The following SCARA3 variants were observed in gnomAD, a reference collection of about 807,000 sequenced individuals.
The protein encoded by SCARA3 is cellular stress response gene protein.
In SCARA3, 39 loss-of-function variants were observed where a neutral mutation model predicts 47.0. That is an observed-to-expected ratio of 0.83 (90% CI 0.64 to 1.08). The LOEUF is 1.08. SCARA3 is among the 50% of genes least tolerant of loss of function. The probability of loss-of-function intolerance (pLI) is 0.00; values close to 1 mark genes in which losing one functional copy is unlikely to be tolerated. For synonymous variants in SCARA3, 356 were observed against 334.1 expected (o/e 1.07, Z -0.71); for missense variants, 724 against 792.3 (o/e 0.91, Z 1.04).
In SCARA3 at chr8:27,658,588, C is replaced by T; in HGVS notation, c.418C>T (p.Gln140Ter). 6.2e-7 allele frequency: 1 copy of T among 1,614,188 alleles called. No homozygotes were observed. The highest frequency in any genetic ancestry group is 8.5e-7 in the Non-Finnish European group (1 of 1,180,046). ...ACTGCAGGAGGAGCTGGAGGGAATT[C>T]AGAAGCTGCTTCTGGCCCAGGAGGT... ...RKLQEELEGIQKLLLAQEVQL... is the reference protein window; with the variant it reads ...RKLQEELEGI The change falls in exon 5 of 6, where the codon CAG becomes TAG. Residue 140 changes from glutamine to a stop codon, truncating the protein, a stop_gained. Coordinates refer to ENST00000301904, the MANE Select transcript of SCARA3 (RefSeq NM_016240.3). LOFTEE classifies it high-confidence loss of function.
intron 1 of SCARA3, among the ~76,000 whole-genome samples, chr8:27,638,279 G>T (rs1585269443): frequency 6.6e-6 from 1 of 151,512 alleles, no homozygotes; most frequent in East Asian, 2.0e-4. Context: ...TCTCATACAT[G>T]CACTGCCCAT....
At chr8:27,728,308 G>A in the SCARA3 span, among the ~76,000 whole-genome samples, 14 of 152,278 alleles carry the variant, frequency 9.2e-5, no homozygotes, top group Non-Finnish European at 1.3e-4. Context: ...GTTGGGAAGC[G>A]CATTCCAGGA....
intron 1 of SCARA3, among the ~76,000 whole-genome samples, chr8:27,643,959 C>G (rs1003213916): frequency 1.3e-5 from 2 of 152,160 alleles, no homozygotes. Context: ...TTTTCTACCC[C>G]CAAAGGGAGA....
rs1802201881 is a variant in SCARA3, at chr8:27,672,910, G to A, written c.*1559G>A. 1.2e-5 allele frequency: 12 copies of A among 985,668 alleles called. No individual in the cohort carries two copies. Among genetic ancestry groups the A allele is most frequent in the Non-Finnish European group, 1.4e-5 (12 of 830,108 alleles). 61.1% of individuals were successfully genotyped at this position (985,668 alleles called of 1,614,324 possible). On this transcript the variant is annotated 3_prime_UTR_variant, in exon 6 of 6. Transcript: ENST00000301904. ...CCGCACCCTCCTGACTGTCCTGGAT[G>A]TGCAACTGGTTTGCACTGCACACCC...
chr8:27,721,360 T>C, the SCARA3 span, among the ~76,000 whole-genome samples: 2,331 of 152,292 alleles, frequency 0.015, 40 homozygotes, highest in East Asian at 0.058. Context: ...GTTCTAGGCA[T>C]TGGGGACAGA....
intron 2 of SCARA3, among the ~76,000 whole-genome samples, chr8:27,650,049 G>T (rs190444309): frequency 6.6e-6 from 1 of 152,294 alleles, no homozygotes; most frequent in Non-Finnish European, 1.5e-5. Context: ...GCTAGTATGA[G>T]TGGTGCAACC....
At chr8:27,663,442 T>C (rs1186357799) in intron 5 of SCARA3, among the ~76,000 whole-genome samples, 1 of 152,218 alleles carries the variant, frequency 6.6e-6, no homozygotes, top group Non-Finnish European at 1.5e-5. Context: ...TTTATGTAAC[T>C]TATGTGTGCC....
chr8:27,699,837 G>C, the SCARA3 span, among the ~76,000 whole-genome samples: 1 of 152,112 alleles, frequency 6.6e-6, no homozygotes, highest in Non-Finnish European at 1.5e-5. Flanking sequence ...TTAAGACAAT[G>C]AGATAATGGT....
At chr8:27,676,261 G>T (rs2128925124), downstream of SCARA3, among the ~76,000 whole-genome samples, 1 of 152,328 alleles carries the variant, frequency 6.6e-6, no homozygotes, top group East Asian at 1.9e-4. Context: ...AGTTCCCAGA[G>T]CCAGCTAGTG....
chr8:27,650,262 T>TG (rs1162430481), intron 2 of SCARA3, among the ~76,000 whole-genome samples: 1 of 152,164 alleles, frequency 6.6e-6, no homozygotes, highest in Admixed American at 6.5e-5. Context: ...CCCAAATTGC[T>TG]GGGGTTACAG....
intron 1 of SCARA3, among the ~76,000 whole-genome samples, chr8:27,646,939 C>T (rs928169919): frequency 6.7e-6 from 1 of 148,478 alleles, no homozygotes; most frequent in Admixed American, 6.8e-5. Context: ...GCTTTACCCT[C>T]CAAAGCACTT....
At position 27,672,379 on chromosome 8, in the gene SCARA3, A is replaced by G; in HGVS notation, c.*1028A>G. 1 of 985,544 alleles carries G rather than the reference A, an allele frequency of 1.0e-6. No individual in the cohort carries two copies. Among genetic ancestry groups the G allele is most frequent in the Non-Finnish European group, 1.2e-6 (1 of 830,020 alleles). 61.0% of individuals were successfully genotyped at this position (985,544 alleles called of 1,614,324 possible). On this transcript the variant is annotated 3_prime_UTR_variant, in exon 6 of 6. Transcript: ENST00000301904. ...AGATGGGAGACAGAGGCAGGCCAGA[A>G]GGTTCTCTCTGCACAGCTGCCTCCC...
the SCARA3 span, among the ~76,000 whole-genome samples, chr8:27,696,435 A>G: frequency 1.3e-5 from 2 of 151,946 alleles, no homozygotes; most frequent in African/African-American, 4.8e-5. Flanking sequence ...TTGAATCAGT[A>G]TTTTTTGTTT....
the SCARA3 span, among the ~76,000 whole-genome samples, chr8:27,725,072 C>T: frequency 6.6e-6 from 1 of 152,126 alleles, no homozygotes; most frequent in African/African-American, 2.4e-5. Flanking sequence ...ATCACTTGAG[C>T]CTAGAAGCTT....
chr8:27,716,183 C>T, the SCARA3 span, among the ~76,000 whole-genome samples: 12 of 152,198 alleles, frequency 7.9e-5, no homozygotes, highest in Admixed American at 7.8e-4. Flanking sequence ...TGTGGTGGTG[C>T]ATGCCAGTAG....
downstream of SCARA3, among the ~76,000 whole-genome samples, chr8:27,674,725 CT>C (rs71553874): frequency 0.021 from 2,229 of 106,276 alleles, 45 homozygotes; most frequent in East Asian, 0.17. Flanking sequence ...TTTTCTCTCT[CT>C]TTTTTTTTTT....
intron 3 of SCARA3, among the ~76,000 whole-genome samples, chr8:27,655,635 A>G (rs1325746575): frequency 2.6e-5 from 4 of 152,238 alleles, no homozygotes; most frequent in African/African-American, 9.6e-5. Flanking sequence ...CAAGAGAATT[A>G]TCATATACAC....
the SCARA3 span, among the ~76,000 whole-genome samples, chr8:27,731,641 C>CAAAAAAAAAAAAAAAAAAAA: frequency 1.0e-5 from 1 of 100,052 alleles, no homozygotes; most frequent in Non-Finnish European, 1.9e-5. Flanking sequence ...GACTCTGTCT[C>CAAAAAAAAAAAAAAAAAAAA]AAAAAAAAAA....
Position 27,634,225 on chromosome 8 carries a change from G to C in SCARA3, c.7+18G>C. 2.2e-6 allele frequency: 3 copies of C among 1,353,608 alleles called. No individual in the cohort carries two copies. Among genetic ancestry groups the C allele is most frequent in the Non-Finnish European group, 1.9e-6 (2 of 1,053,914 alleles). 83.8% of individuals were successfully genotyped at this position (1,353,608 alleles called of 1,614,324 possible). On this transcript the variant is annotated intron_variant, in intron 1 of 5. Transcript: ENST00000301904. ...CATGAAAGGTAAGGGCGGCCTGTCG[G>C]GGGCAGCTCCGAGGGGGGCCGCCTG...
Sources: gnomAD v4.1 joint callset for allele counts (sites outside exome capture counted in the v4.1 genomes callset) on GRCh38, gnomAD v4.1.1 for gene constraint, MANE v1.5 for transcripts, NCBI Gene and HGNC (gene_info 2026-07-23, HGNC 2026-07-21) for gene names.